Variants in DET1 observed in about 807,000 individuals in gnomAD.
DET1 encodes DET1 homolog.
A neutral mutation model predicts 43.7 loss-of-function variants in DET1; 22 were observed. That is an observed-to-expected ratio of 0.50 (90% CI 0.36 to 0.72). The LOEUF (loss-of-function observed/expected upper bound fraction) is 0.72. DET1 is among the 30% of genes least tolerant of loss of function. DET1 has a pLI of 0.00. For synonymous variants in DET1, 315 were observed against 266.2 expected, an observed-to-expected ratio of 1.18 and a Z score of -1.79; for missense variants, 713 against 713.3, an observed-to-expected ratio of 1.00 and a Z score of 0.00.
At chr15:88,536,498 G>A in intron 1 of DET1, 3 of 546,276 alleles carry the variant, frequency 5.5e-6, no homozygotes, top group Non-Finnish European at 9.7e-6. Flanking sequence ...GGAACAAACT[G>A]GCCGGGTGCA....
rs771980428 is a variant in DET1, at chr15:88,530,608, G to A, written c.1083+15C>T. ...AGGAGATTAGACAAGTAAAAGGCAG[G>A]AGTGTACCTCATACCTGTGATGGAT... is the stretch of plus-strand genomic sequence containing the variant. On this transcript the variant is annotated intron_variant, in intron 2 of 4. Transcript: ENST00000268148. 5.1e-6 allele frequency: 8 copies of A among 1,579,068 alleles called. No homozygotes were observed. The Middle Eastern group carries it at 5.1e-4, about 101-fold the overall frequency.
chr15:88,532,989 G>A (rs1056116968), intron 1 of DET1, among the ~76,000 whole-genome samples: 3 of 152,148 alleles, frequency 2.0e-5, no homozygotes, highest in Admixed American at 6.5e-5. Context: ...ACAATCAACC[G>A]AGTGAAAGGG....
chr15:88,507,833 C>T (rs879893151), downstream of DET1, among the ~76,000 whole-genome samples: 1 of 152,170 alleles, frequency 6.6e-6, no homozygotes, highest in Non-Finnish European at 1.5e-5. Context: ...GAACAGGGGT[C>T]CCTGATCCCT....
At chr15:88,523,229 G>A (rs1308922668) in intron 3 of DET1, among the ~76,000 whole-genome samples, 1 of 151,980 alleles carries the variant, frequency 6.6e-6, no homozygotes, top group Non-Finnish European at 1.5e-5. Context: ...GTCACTTTTA[G>A]GATAAAGGCT....
At chr15:88,520,356 G>T (rs1331755509) in intron 3 of DET1, among the ~76,000 whole-genome samples, 2 of 152,088 alleles carry the variant, frequency 1.3e-5, no homozygotes, top group African/African-American at 4.8e-5. Flanking sequence ...CCCTAAAGAG[G>T]CTTTCACCCC....
At chr15:88,511,231 C>CCTCTA (rs1219823376), downstream of DET1, among the ~76,000 whole-genome samples, 1 of 152,090 alleles carries the variant, frequency 6.6e-6, no homozygotes, top group Non-Finnish European at 1.5e-5. Flanking sequence ...CTGGCCTCTC[C>CCTCTA]CTCTACTCTC....
intron 3 of DET1, among the ~76,000 whole-genome samples, chr15:88,522,509 C>T (rs1433562293): frequency 2.3e-5 from 1 of 43,604 alleles, no homozygotes; most frequent in Admixed American, 2.1e-4. Context: ...AGGAATGTTC[C>T]TGGTTTTTTT....
chr15:88,523,440 G>C (rs981427391), intron 3 of DET1, among the ~76,000 whole-genome samples: 3 of 151,706 alleles, frequency 2.0e-5, no homozygotes, highest in African/African-American at 4.8e-5. Flanking sequence ...CCCTTTCCAC[G>C]GTCTCCCTCT....
At chr15:88,522,460 C>G (rs951202295) in intron 3 of DET1, among the ~76,000 whole-genome samples, 3 of 140,542 alleles carry the variant, frequency 2.1e-5, no homozygotes, top group East Asian at 4.2e-4. Flanking sequence ...TCCACTACAT[C>G]TAACACATTT....
rs1490364389 is a variant in DET1, at chr15:88,531,608, C to A, written c.98G>T (p.Gly33Val). ...CACTCGGACTTGGTGCCAGTGGGTA[C>A]CTGCCTTGCCTGAACTGATCCGCCG... The part of the protein sequence containing the change: ...ERRRISSGKA[G>V]THWHQVRVFH... The change falls in exon 2 of 5, where the codon GGT becomes GTT. Residue 33 changes from glycine (G) to valine (V), a missense_variant. Gly to Val is a moderately radical substitution (Grantham distance 109). Coordinates refer to ENST00000268148, the MANE Select transcript of DET1 (RefSeq NM_001144074.3). The surrounding 1 kb of genome is among the most constrained non-coding windows in gnomAD (Gnocchi z 6.2). 3 of 1,613,974 alleles carry A rather than the reference C, an allele frequency of 1.9e-6. No individual in the cohort carries two copies. Among genetic ancestry groups the A allele is most frequent in the Non-Finnish European group, 2.5e-6 (3 of 1,179,878 alleles).
chr15:88,510,457 G>A (rs1028224944), downstream of DET1, among the ~76,000 whole-genome samples: 6 of 152,260 alleles, frequency 3.9e-5, no homozygotes, highest in Admixed American at 2.0e-4. Context: ...TGCAGATAAA[G>A]TGTTTCTATG....
At chr15:88,523,033 C>T (rs2056544399) in intron 3 of DET1, among the ~76,000 whole-genome samples, 1 of 151,960 alleles carries the variant, frequency 6.6e-6, no homozygotes, top group South Asian at 2.1e-4. Flanking sequence ...CAGGCGCATG[C>T]CACCACACCC....
intron 3 of DET1, among the ~76,000 whole-genome samples, chr15:88,524,474 T>C (rs1177857993): frequency 6.6e-6 from 1 of 152,202 alleles, no homozygotes; most frequent in Admixed American, 6.5e-5. Context: ...CAACAGCTCA[T>C]TGAGAATGGG....
At chr15:88,537,261 T>C (rs2056977272) in intron 1 of DET1, among the ~76,000 whole-genome samples, 1 of 152,156 alleles carries the variant, frequency 6.6e-6, no homozygotes, top group African/African-American at 2.4e-5. Context: ...TATATTGGAG[T>C]TACATGCACT....
At chr15:88,542,925 A>C (rs1246345686) in intron 1 of DET1, among the ~76,000 whole-genome samples, 1 of 152,166 alleles carries the variant, frequency 6.6e-6, no homozygotes, top group Non-Finnish European at 1.5e-5. Context: ...AAAAGTTCTC[A>C]CCCTGCCTGC....
downstream of DET1, among the ~76,000 whole-genome samples, chr15:88,507,524 C>T (rs542000311): frequency 1.3e-5 from 2 of 152,358 alleles, no homozygotes; most frequent in East Asian, 3.9e-4. Flanking sequence ...GTCCCCTGAG[C>T]AGTCTAAACC....
At chr15:88,507,780 G>C (rs909306818), downstream of DET1, among the ~76,000 whole-genome samples, 4 of 152,354 alleles carry the variant, frequency 2.6e-5, no homozygotes, top group Non-Finnish European at 5.9e-5. Context: ...GCAGGGAAGA[G>C]GAGGAAAGAA....
intron 3 of DET1, 100 bp from the exon 4 acceptor site, chr15:88,517,073 T>G: frequency 1.2e-6 from 1 of 854,298 alleles, no homozygotes; most frequent in Non-Finnish European, 1.8e-6. Context: ...ACTCATTCTT[T>G]AAATACAAAT....
chr15:88,519,931 T>G (rs1174029299), intron 3 of DET1, among the ~76,000 whole-genome samples: 1 of 152,174 alleles, frequency 6.6e-6, no homozygotes, highest in Non-Finnish European at 1.5e-5. Flanking sequence ...CCCTCCTCCA[T>G]GCTCACTCTT....
Sources: gnomAD v4.1 joint callset for allele counts (sites outside exome capture counted in the v4.1 genomes callset) on GRCh38, gnomAD v4.1.1 for gene constraint, Gnocchi (gnomAD v3.1) non-coding constraint, MANE v1.5 for transcripts, NCBI Gene and HGNC (gene_info 2026-07-23, HGNC 2026-07-21) for gene names.